ANO10: variants seen among roughly 807,000 people sequenced by gnomAD.
ANO10 encodes the protein anoctamin-10.
In ANO10, 77 loss-of-function variants were observed where a neutral mutation model predicts 74.7. The observed-to-expected ratio is 1.03, with a 90% CI of 0.86 to 1.25. The LOEUF (loss-of-function observed/expected upper bound fraction) is 1.25, where lower values mean the gene tolerates loss of function less well. Among genes scored for constraint, ANO10 ranks in the 50% most tolerant of loss-of-function variants. ANO10 has a pLI of 0.00. For synonymous variants in ANO10, 279 were observed against 284.9 expected (o/e 0.98, Z 0.21); for missense variants, 721 against 778.1 (o/e 0.93, Z 0.87).
chr3:43,498,311 T>A (rs1249642247), intron 11 of ANO10, among the ~76,000 whole-genome samples: 1 of 152,102 alleles, frequency 6.6e-6, no homozygotes, highest in Non-Finnish European at 1.5e-5. Context: ...TTCTAATGCC[T>A]CCCCAGAAGA....
chr3:43,388,901 T>G (rs1338994816), intron 12 of ANO10, among the ~76,000 whole-genome samples: 1 of 152,236 alleles, frequency 6.6e-6, no homozygotes, highest in Non-Finnish European at 1.5e-5. Flanking sequence ...TCACTGCTTC[T>G]AAGTCTAAAG....
In ANO10 at chr3:43,591,502, G is replaced by A. The variant is rs188109699; in HGVS notation, c.472+7030C>T. Among the ~76,000 whole-genome samples the A allele has an allele frequency of 2.6e-5, 4 of 152,260 alleles. No individual in the cohort carries two copies. The East Asian group carries it at 7.7e-4, about 29-fold the overall frequency. On this transcript the variant is annotated intron_variant, in intron 4 of 12. Coordinates refer to ENST00000292246, the MANE Select transcript of ANO10 (RefSeq NM_018075.5). The stretch of plus-strand genomic sequence containing the variant: ...CCCCAGGTCAGAGAACAAAAGACTT[G>A]CCCCCACCTTGGGAGCAGCCTGCCC...
At position 43,431,161 on chromosome 3, in the gene ANO10, C is replaced by T. The variant is rs139383870; in HGVS notation, c.1914+1450G>A. 3.2e-3 allele frequency among the ~76,000 whole-genome samples: 482 copies of T among 151,884 alleles called. 4 individuals carry two copies. The highest frequency in any genetic ancestry group is 0.011 in the African/African-American group (458 of 41,412). ...GATCATGGCTCATTACAGCCTTGAC[C>T]TTCTAGGCTCAAGCAATTCTCCCAG... On this transcript the variant is annotated intron_variant, in intron 12 of 12. Coordinates refer to ENST00000292246, the MANE Select transcript of ANO10 (RefSeq NM_018075.5).
chr3:43,545,926 T>C (rs1283868032), intron 11 of ANO10, among the ~76,000 whole-genome samples: 2 of 152,202 alleles, frequency 1.3e-5, no homozygotes, highest in African/African-American at 4.8e-5. Context: ...TTTTCTATTC[T>C]ATTTGTAAAT....
rs142972926 is a variant in ANO10, at chr3:43,451,671, T to C, written c.1798-18944A>G. Among the ~76,000 whole-genome samples the C allele has an allele frequency of 2.3e-3, 343 of 151,686 alleles. 1 individual carries two copies. The highest frequency in any genetic ancestry group is 7.6e-3 in the African/African-American group (314 of 41,508). On this transcript the variant is annotated intron_variant, in intron 11 of 12. Transcript: ENST00000292246. ...GATTTGCAAAAGAAATACAAGACAATTTTTTTGCACACAAGGTGCAATTTA... is the reference window on the plus strand; with the variant it reads ...GATTTGCAAAAGAAATACAAGACAACTTTTTTGCACACAAGGTGCAATTTA...
At chr3:43,553,518 T>C (rs2079583367) in intron 10 of ANO10, among the ~76,000 whole-genome samples, 1 of 148,958 alleles carries the variant, frequency 6.7e-6, no homozygotes, top group Non-Finnish European at 1.5e-5. Flanking sequence ...CTCTCTGTTG[T>C]TCAGACTGGA....
At chr3:43,529,279 T>A (rs1037029693) in intron 11 of ANO10, among the ~76,000 whole-genome samples, 2 of 152,220 alleles carry the variant, frequency 1.3e-5, no homozygotes, top group Non-Finnish European at 2.9e-5. Flanking sequence ...TATTTTAAAA[T>A]CCAGCCAAGC....
intron 11 of ANO10, among the ~76,000 whole-genome samples, chr3:43,536,960 T>C (rs2078737292): frequency 8.4e-6 from 1 of 118,850 alleles, no homozygotes; most frequent in Non-Finnish European, 1.6e-5. Context: ...TGTGAAACCA[T>C]CACCATAATC....
chr3:43,434,998 ATCTTTAC>A (rs1182601944), intron 11 of ANO10, among the ~76,000 whole-genome samples: 60 of 152,332 alleles, frequency 3.9e-4, no homozygotes, highest in African/African-American at 1.4e-3. Flanking sequence ...TAGGCAGTCT[ATCTTTAC>A]TCTTTAATGG....
In ANO10 at chr3:43,432,671, C is replaced by A. The variant is rs948361505; in HGVS notation, c.1854G>T (p.Arg618=). 1 of 1,613,948 alleles carries A rather than the reference C, an allele frequency of 6.2e-7. No homozygotes were observed. The change falls in exon 12 of 13, where the codon CGG becomes CGT. Residue 618 remains arginine, a synonymous_variant. Transcript: ENST00000292246. ...ILAFAIPDKP[R]HIQMKLARLE... ...GTCTGGCTAGTTTCATCTGGATATGCCGTGGCTTATCAGGTATGGCAAATG... is the reference window on the plus strand; with the variant it reads ...GTCTGGCTAGTTTCATCTGGATATGACGTGGCTTATCAGGTATGGCAAATG...
At chr3:43,634,810 T>C (rs1459565699) in intron 1 of ANO10, among the ~76,000 whole-genome samples, 1 of 152,102 alleles carries the variant, frequency 6.6e-6, no homozygotes, top group Non-Finnish European at 1.5e-5. Flanking sequence ...GCACAGGCAA[T>C]CAGAGGAGGG....
chr3:43,591,389 C>T (rs568556931), intron 4 of ANO10, among the ~76,000 whole-genome samples: 9 of 152,176 alleles, frequency 5.9e-5, no homozygotes, highest in Admixed American at 1.3e-4. Flanking sequence ...CTGGGTTCCA[C>T]GGTTCTCTTC....
intron 1 of ANO10, among the ~76,000 whole-genome samples, chr3:43,663,341 C>T (rs1051192955): frequency 6.6e-6 from 1 of 152,134 alleles, no homozygotes; most frequent in African/African-American, 2.4e-5. Context: ...AATTCAAGAG[C>T]CTTTCATGCT....
chr3:43,480,681 G>A (rs372262399), intron 11 of ANO10, among the ~76,000 whole-genome samples: 30 of 152,122 alleles, frequency 2.0e-4, no homozygotes, highest in African/African-American at 6.5e-4. Flanking sequence ...TGGGAAGTGA[G>A]GACAGAAACC....
chr3:43,586,705 T>A (rs2081498238), intron 4 of ANO10, among the ~76,000 whole-genome samples: 1 of 152,012 alleles, frequency 6.6e-6, no homozygotes, highest in Non-Finnish European at 1.5e-5. Context: ...CAAAAAACCA[T>A]GAAATTCTTC....
At chr3:43,426,121 C>T (rs926884814) in intron 12 of ANO10, among the ~76,000 whole-genome samples, 1 of 152,132 alleles carries the variant, frequency 6.6e-6, no homozygotes, top group Non-Finnish European at 1.5e-5. Flanking sequence ...CGCCTCCACA[C>T]CTTTCACATC....
At position 43,484,963 on chromosome 3, in the gene ANO10, G is replaced by A. The variant is rs1185459053; in HGVS notation, c.1798-52236C>T. 5.5e-6 allele frequency: 7 copies of A among 1,275,168 alleles called. No homozygotes were observed. The African/African-American group carries it at 1.0e-4, about 19-fold the overall frequency. The allele number at this position is 1,275,168 out of a possible 1,614,324, so 79.0% of individuals were successfully genotyped here. On this transcript the variant is annotated intron_variant, in intron 11 of 12. Coordinates refer to ENST00000292246, the MANE Select transcript of ANO10 (RefSeq NM_018075.5). Reference sequence around the variant, plus strand: ...TTATTTGGGGCCCACCCAGGCAAGGGCCCTGCACCTAGAAGAAGGTGTTGG... The same window carrying A: ...TTATTTGGGGCCCACCCAGGCAAGGACCCTGCACCTAGAAGAAGGTGTTGG...
chr3:43,400,935 A>G (rs1170258196), intron 12 of ANO10, among the ~76,000 whole-genome samples: 3 of 152,226 alleles, frequency 2.0e-5, no homozygotes, highest in Admixed American at 2.0e-4. Flanking sequence ...ACGCAAGCCT[A>G]TAGTCTGACG....
At chr3:43,690,972 G>A (rs1163389541) in intron 1 of ANO10, 15 of 1,569,434 alleles carry the variant, frequency 9.6e-6, no homozygotes, top group African/African-American at 2.8e-5. Context: ...GATAAGTCCC[G>A]GCGCTTGCGC....
Sources: gnomAD v4.1 joint callset for allele counts (sites outside exome capture counted in the v4.1 genomes callset) on GRCh38, gnomAD v4.1.1 for gene constraint, MANE v1.5 for transcripts, NCBI Gene and HGNC (gene_info 2026-07-23, HGNC 2026-07-21) for gene names.